ELL: variants seen among roughly 807,000 people sequenced by gnomAD.
The protein encoded by ELL is elongation factor for RNA polymerase II, also known as RNA polymerase II elongation factor ELL.
In ELL, 18 loss-of-function variants were observed where a neutral mutation model predicts 64.0. That is an observed-to-expected ratio of 0.28 (90% confidence interval 0.19 to 0.42). The LOEUF (loss-of-function observed/expected upper bound fraction) is 0.42. Ranked by LOEUF, ELL falls within the 10% of genes least tolerant of loss-of-function variation. The pLI, the probability that ELL is intolerant of heterozygous loss-of-function variation, is 1.00. For missense variants in ELL, 797 were observed against 870.4 expected (o/e 0.92, Z 1.06); for synonymous variants, 399 against 376.2 (o/e 1.06, Z -0.70).
At chr19:18,469,424 C>G (rs1455108724) in intron 2 of ELL, among the ~76,000 whole-genome samples, 1 of 152,218 alleles carries the variant, frequency 6.6e-6, no homozygotes, top group Admixed American at 6.5e-5. Flanking sequence ...TCGCACTAGC[C>G]AAGAGCTTGC....
chr19:18,507,215 G>A (rs1226400772), intron 1 of ELL, among the ~76,000 whole-genome samples: 4 of 152,206 alleles, frequency 2.6e-5, no homozygotes, highest in African/African-American at 7.2e-5. Context: ...AGCTGCACCC[G>A]CTCCCTGCCC....
intron 6 of ELL, among the ~76,000 whole-genome samples, chr19:18,456,270 A>AC (rs929719113): frequency 2.0e-5 from 3 of 152,220 alleles, no homozygotes; most frequent in African/African-American, 7.2e-5. Context: ...CGTGGTGCCC[A>AC]CCATCCCAGA....
chr19:18,515,566 G>A (rs549048487), intron 1 of ELL, among the ~76,000 whole-genome samples: 2 of 152,246 alleles, frequency 1.3e-5, no homozygotes, highest in African/African-American at 2.4e-5. Context: ...CAGTACTGTG[G>A]GTGGCACAGC....
At chr19:18,506,854 G>C (rs943270559) in intron 1 of ELL, among the ~76,000 whole-genome samples, 1 of 152,144 alleles carries the variant, frequency 6.6e-6, no homozygotes, top group African/African-American at 2.4e-5. Context: ...AGAGGGCCAG[G>C]GACCCTGTCT....
At position 18,521,902 on chromosome 19, in the gene ELL, C is replaced by G; in HGVS notation, c.135+19G>C. ...GTCCGGACGTTCCCCACTGGCGCGCCGGGCGCCATGCCACTCACCTGTCTG... is the reference window on the plus strand; with the variant it reads ...GTCCGGACGTTCCCCACTGGCGCGCGGGGCGCCATGCCACTCACCTGTCTG... On this transcript the variant is annotated intron_variant, in intron 1 of 11. Transcript: ENST00000262809. 6.4e-7 allele frequency: 1 copy of G among 1,567,324 alleles called. No homozygotes were observed. The highest frequency in any genetic ancestry group is 1.2e-5 in the South Asian group (1 of 86,798).
chr19:18,478,453 C>T (rs1975224258), intron 1 of ELL, among the ~76,000 whole-genome samples: 1 of 152,214 alleles, frequency 6.6e-6, no homozygotes, highest in South Asian at 2.1e-4. Flanking sequence ...TGCCCAGTCT[C>T]TGTAGACCCT....
intron 1 of ELL, among the ~76,000 whole-genome samples, chr19:18,500,735 C>T (rs7249760): frequency 0.32 from 48,502 of 151,998 alleles, 9,682 homozygotes; most frequent in African/African-American, 0.57. Flanking sequence ...TACCATTGTG[C>T]AAAATAGCTC....
chr19:18,446,377 T>C lies in ELL; in HGVS notation c.1636A>G (p.Ile546Val), dbSNP rs1445690421. 1.2e-6 allele frequency: 2 copies of C among 1,610,560 alleles called. No homozygotes were observed. The highest frequency in any genetic ancestry group is 3.4e-5 in the Admixed American group (2 of 59,650). Residue 546 changes from isoleucine to valine, a missense_variant, in exon 10 of 12, where the codon ATC becomes GTC. Physicochemically the swap from Ile to Val is conservative, Grantham distance 29. Transcript: ENST00000262809. ...YRDLHARIER[I>V]TRRFTQLDAQ... is the part of the protein sequence containing the mutation. ...TCGAGCTGGGTGAACCGCCGCGTGA[T>C]GCGCTCAATGCGGGCGTGCAGGTCG...
At chr19:18,487,371 G>A (rs1975440645) in intron 1 of ELL, among the ~76,000 whole-genome samples, 1 of 152,230 alleles carries the variant, frequency 6.6e-6, no homozygotes, top group Non-Finnish European at 1.5e-5. Context: ...GTCTTCCTTC[G>A]TGCTTGAGGA....
intron 1 of ELL, among the ~76,000 whole-genome samples, chr19:18,513,960 C>T (rs1302035223): frequency 2.0e-5 from 3 of 151,884 alleles, no homozygotes; most frequent in Non-Finnish European, 4.4e-5. Context: ...ACAAAAAAAT[C>T]GGAATTCAGT....
chr19:18,466,478 A>G (rs1256940999), intron 2 of ELL, among the ~76,000 whole-genome samples: 4 of 152,162 alleles, frequency 2.6e-5, no homozygotes, highest in Non-Finnish European at 5.9e-5. Context: ...CCAGGGGCTC[A>G]CAGATCAGAA....
chr19:18,445,561 G>A (rs1363240538), intron 10 of ELL, among the ~76,000 whole-genome samples: 1 of 150,238 alleles, frequency 6.7e-6, no homozygotes, highest in African/African-American at 2.5e-5. Context: ...GGGGGTGGGG[G>A]GGTGCAGCAA....
intron 1 of ELL, among the ~76,000 whole-genome samples, chr19:18,473,730 G>A (rs1428772984): frequency 2.0e-5 from 3 of 152,144 alleles, no homozygotes; most frequent in South Asian, 2.1e-4. Flanking sequence ...GGCCCTAAGC[G>A]TAGATCTCAG....
At chr19:18,466,610 C>T (rs1480540254) in intron 2 of ELL, among the ~76,000 whole-genome samples, 5 of 152,200 alleles carry the variant, frequency 3.3e-5, no homozygotes, top group African/African-American at 9.6e-5. Flanking sequence ...GGCAGGCAGG[C>T]GGATGGACGG....
chr19:18,484,549 A>G (rs1366015379), intron 1 of ELL, among the ~76,000 whole-genome samples: 2 of 152,222 alleles, frequency 1.3e-5, no homozygotes, highest in Non-Finnish European at 2.9e-5. Context: ...CTGAGGCAGA[A>G]GGATCACCTA....
chr19:18,509,598 T>TGCGCGCGCGCGC (rs1975968339), intron 1 of ELL, among the ~76,000 whole-genome samples: 13 of 81,856 alleles, frequency 1.6e-4, no homozygotes, highest in South Asian at 4.5e-4. Flanking sequence ...CGCGCGCACA[T>TGCGCGCGCGCGC]ACACACACAC....
At position 18,449,422 on chromosome 19, in the gene ELL, G is replaced by A. The variant is rs893404509; in HGVS notation, c.1465+1055C>T. ...CGTCGGCCCCCACATGCAGTCCCACGGGAGGTGGGAAGCCCAGCACGAGGC... is the reference window on the plus strand; with the variant it reads ...CGTCGGCCCCCACATGCAGTCCCACAGGAGGTGGGAAGCCCAGCACGAGGC... On this transcript the variant is annotated intron_variant, in intron 8 of 11. Coordinates refer to ENST00000262809, the MANE Select transcript of ELL (RefSeq NM_006532.4). The surrounding 1 kb of genome is among the most constrained non-coding windows in gnomAD (Gnocchi z 4.4). Among the ~76,000 whole-genome samples, 5 of 152,086 alleles carry A rather than the reference G, an allele frequency of 3.3e-5. No homozygotes were observed. Among genetic ancestry groups the A allele is most frequent in the South Asian group, 2.1e-4 (1 of 4,822 alleles).
rs1036175719 is a variant in ELL, at chr19:18,465,552, C to T, written c.329G>A (p.Cys110Tyr). The T allele has an allele frequency of 2.5e-6, 4 of 1,601,932 alleles. No individual in the cohort carries two copies. The highest frequency in any genetic ancestry group is 3.4e-5 in the Admixed American group (2 of 59,504). Residue 110 changes from cysteine (C) to tyrosine (Y), a missense_variant, in exon 4 of 12, where the codon TGC becomes TAC. Coordinates refer to ENST00000262809, the MANE Select transcript of ELL (RefSeq NM_006532.4). ...GATCTTGTCCTGTATGCTGCCCAGGCAGTCCAGGTGAACTTCCCCATGACT... is the reference window on the plus strand; with the variant it reads ...GATCTTGTCCTGTATGCTGCCCAGGTAGTCCAGGTGAACTTCCCCATGACT... ...VSSHGEVHLD[C>Y]LGSIQDKITV...
intron 1 of ELL, among the ~76,000 whole-genome samples, chr19:18,473,705 C>T (rs1975113000): frequency 6.6e-6 from 1 of 152,216 alleles, no homozygotes; most frequent in African/African-American, 2.4e-5. Context: ...ATCTTCTTCC[C>T]TCTTCCCAAC....
Sources: allele counts gnomAD v4.1 joint callset (sites outside exome capture counted in the v4.1 genomes callset), GRCh38; gene constraint gnomAD v4.1.1; non-coding constraint Gnocchi (gnomAD v3.1); transcripts MANE v1.5; gene names NCBI Gene and HGNC (gene_info 2026-07-23, HGNC 2026-07-21).